The following DPP6 variants were observed in gnomAD, a reference collection of about 807,000 sequenced individuals.
DPP6 encodes the protein A-type potassium channel modulatory protein DPP6.
Under a neutral mutation model 122.6 loss-of-function variants are expected in DPP6, and 69 were observed. The ratio of observed to expected loss-of-function variants is 0.56; its 90% CI spans 0.46 to 0.69. DPP6 has a LOEUF of 0.69. DPP6 is among the 30% of genes least tolerant of loss of function. The probability of loss-of-function intolerance (pLI) is 0.00; values close to 1 mark genes in which losing one functional copy is unlikely to be tolerated. For synonymous variants in DPP6, 418 were observed against 433.1 expected (o/e 0.97, Z 0.43); for missense variants, 928 against 1,116.9 (o/e 0.83, Z 2.41).
At chr7:154,650,459 C>A (rs1427384297) in intron 6 of DPP6, among the ~76,000 whole-genome samples, 2 of 152,178 alleles carry the variant, frequency 1.3e-5, no homozygotes, top group Admixed American at 6.5e-5. Context: ...GAGCCATCTG[C>A]ACTTGGACAT....
At chr7:154,258,618 G>A (rs73727924) in intron 1 of DPP6, among the ~76,000 whole-genome samples, 12,514 of 152,238 alleles carry the variant, frequency 0.082, 983 homozygotes, top group African/African-American at 0.2. Context: ...ACCCAAGTGC[G>A]TTTTAACAAA....
intron 1 of DPP6, among the ~76,000 whole-genome samples, chr7:154,290,373 C>T (rs1303791686): frequency 6.6e-6 from 1 of 152,166 alleles, no homozygotes; most frequent in African/African-American, 2.4e-5. Context: ...CCCAGTCCAT[C>T]TTCTACGCTC....
At chr7:154,287,898 C>T (rs1172708052) in intron 1 of DPP6, among the ~76,000 whole-genome samples, 4 of 152,172 alleles carry the variant, frequency 2.6e-5, no homozygotes, top group African/African-American at 9.7e-5. Context: ...GGGGCAGGAT[C>T]CATCCTGAAT....
At chr7:154,593,699 C>T (rs1345150073) in intron 5 of DPP6, among the ~76,000 whole-genome samples, 1 of 152,184 alleles carries the variant, frequency 6.6e-6, no homozygotes, top group Non-Finnish European at 1.5e-5. Context: ...CTCCTGGCTG[C>T]ACCTGAGGTG....
At chr7:154,788,756 T>G (rs939895419) in intron 10 of DPP6, among the ~76,000 whole-genome samples, 1 of 152,186 alleles carries the variant, frequency 6.6e-6, no homozygotes, top group Non-Finnish European at 1.5e-5. Context: ...TTTCGTCCTC[T>G]TTGTCTTTGG....
chr7:154,225,194 A>G (rs1357209739), intron 1 of DPP6, among the ~76,000 whole-genome samples: 1 of 152,154 alleles, frequency 6.6e-6, no homozygotes, highest in Non-Finnish European at 1.5e-5. Flanking sequence ...TACTGATTTC[A>G]GAGTAAGCAT....
chr7:153,831,846 G>C, the DPP6 span, among the ~76,000 whole-genome samples: 1 of 152,164 alleles, frequency 6.6e-6, no homozygotes, highest in Non-Finnish European at 1.5e-5. Context: ...GCTGAGGTGG[G>C]CTCTAGGTCA....
At chr7:154,161,117 A>C (rs181730718) in intron 1 of DPP6, among the ~76,000 whole-genome samples, 357 of 152,354 alleles carry the variant, frequency 2.3e-3, no homozygotes, top group African/African-American at 8.3e-3. Flanking sequence ...AGATATATCC[A>C]AAAATGTAGA....
intron 1 of DPP6, among the ~76,000 whole-genome samples, chr7:154,443,712 C>G (rs1296294728): frequency 2.7e-5 from 4 of 150,134 alleles, no homozygotes; most frequent in South Asian, 4.2e-4. Context: ...ATGGATACGT[C>G]GACGAATGTG....
chr7:153,847,337 A>G, the DPP6 span, among the ~76,000 whole-genome samples: 1 of 152,130 alleles, frequency 6.6e-6, no homozygotes, highest in South Asian at 2.1e-4. Flanking sequence ...ATCTTTGACC[A>G]TATTTATAAT....
rs370061578 is a variant in DPP6 at position 154,770,499 on chromosome 7, G to A, written c.1038+928G>A. On this transcript the variant is annotated intron_variant, in intron 9 of 25. Coordinates refer to ENST00000377770, the MANE Select transcript of DPP6 (RefSeq NM_130797.4). ...AGAGACCCCAGAGAGACCCCTCTCT[G>A]ATTCCACCATGTGACCATACAGCAA... 9.9e-5 allele frequency among the ~76,000 whole-genome samples: 15 copies of A among 152,276 alleles called. No individual in the cohort carries two copies. The South Asian group carries it at 2.9e-3, about 30-fold the overall frequency.
intron 8 of DPP6, among the ~76,000 whole-genome samples, chr7:154,738,175 A>G (rs1048577167): frequency 5.9e-5 from 9 of 152,218 alleles, no homozygotes; most frequent in African/African-American, 2.2e-4. Context: ...TACCATGGAA[A>G]AGGCGGGGGT....
At chr7:154,131,662 C>T (rs568076471) in intron 1 of DPP6, among the ~76,000 whole-genome samples, 344 of 150,266 alleles carry the variant, frequency 2.3e-3, no homozygotes, top group African/African-American at 8.4e-3. Flanking sequence ...TTTTCTCTTA[C>T]TAATTACATC....
chr7:154,331,517 G>A (rs945994374), intron 1 of DPP6, among the ~76,000 whole-genome samples: 1 of 152,156 alleles, frequency 6.6e-6, no homozygotes, highest in Admixed American at 6.5e-5. Flanking sequence ...TTCAGCTGAT[G>A]GTCACACTCA....
chr7:154,352,466 AAAAATAAAAATT>A (rs1215366236), intron 1 of DPP6, among the ~76,000 whole-genome samples: 1 of 152,156 alleles, frequency 6.6e-6, no homozygotes, highest in African/African-American at 2.4e-5. Context: ...CTGTCTCAAA[AAAAATAAAAATT>A]AAAATAAAAA....
chr7:154,660,597 T>C (rs1160334085), intron 6 of DPP6, among the ~76,000 whole-genome samples: 1 of 137,084 alleles, frequency 7.3e-6, no homozygotes, highest in African/African-American at 3.0e-5. Context: ...CATATAGTCA[T>C]GGTGAATCAC....
At chr7:154,866,416 A>G (rs1803882590) in intron 17 of DPP6, among the ~76,000 whole-genome samples, 1 of 152,226 alleles carries the variant, frequency 6.6e-6, no homozygotes, top group Non-Finnish European at 1.5e-5. Flanking sequence ...GCGCAGGGGC[A>G]TGCAGGCCCC....
intron 6 of DPP6, among the ~76,000 whole-genome samples, chr7:154,663,614 C>A (rs4960703): frequency 5.0e-5 from 2 of 39,954 alleles, no homozygotes; most frequent in Non-Finnish European, 1.8e-4. Context: ...CGTGTTGGCC[C>A]TAGTGTTCAC....
the DPP6 span, among the ~76,000 whole-genome samples, chr7:153,870,184 C>T: frequency 6.6e-6 from 1 of 152,114 alleles, no homozygotes. Flanking sequence ...CTTCCTGAAT[C>T]TGAATGTTGG....
Sources: gnomAD v4.1 joint callset for allele counts (sites outside exome capture counted in the v4.1 genomes callset) on GRCh38, gnomAD v4.1.1 for gene constraint, MANE v1.5 for transcripts, NCBI Gene and HGNC (gene_info 2026-07-23, HGNC 2026-07-21) for gene names.